Variants in H2AZ2 observed in about 807,000 individuals in gnomAD.
H2AZ2 encodes the protein H2A.Z variant histone 2.
In H2AZ2, 5 loss-of-function variants were observed where a neutral mutation model predicts 15.5. That is an observed-to-expected ratio of 0.32 (90% CI 0.17 to 0.68). The LOEUF is 0.68. Ranked by LOEUF, H2AZ2 falls within the 30% of genes least tolerant of loss-of-function variation. H2AZ2 has a pLI of 0.72. For missense variants in H2AZ2, 42 were observed against 162.5 expected (o/e 0.26, Z 4.03); for synonymous variants, 44 against 57.4 (o/e 0.77, Z 1.05).
downstream of H2AZ2, among the ~76,000 whole-genome samples, chr7:44,831,183 A>C (rs927115111): frequency 2.0e-4 from 30 of 152,272 alleles, no homozygotes; most frequent in Middle Eastern, 3.4e-3. Context: ...TAAAAATAAA[A>C]TAAAACATAA....
At chr7:44,836,074 C>T (rs1398079541) in intron 3 of H2AZ2, among the ~76,000 whole-genome samples, 1 of 151,440 alleles carries the variant, frequency 6.6e-6, no homozygotes, top group South Asian at 2.1e-4. Flanking sequence ...TATTCTCCTG[C>T]CCTAGCGTCC....
intron 3 of H2AZ2, among the ~76,000 whole-genome samples, chr7:44,836,432 C>T (rs1340011011): frequency 6.6e-6 from 1 of 152,122 alleles, no homozygotes; most frequent in Non-Finnish European, 1.5e-5. Flanking sequence ...AACCCTTGGC[C>T]TCAAGTGATC....
chr7:44,830,737 C>T (rs1360082618), downstream of H2AZ2, among the ~76,000 whole-genome samples: 1 of 152,212 alleles, frequency 6.6e-6, no homozygotes, highest in Non-Finnish European at 1.5e-5. Flanking sequence ...GTGGCTCATG[C>T]CTGTAATCCC....
At chr7:44,841,707 G>A (rs969307396) in intron 2 of H2AZ2, among the ~76,000 whole-genome samples, 1 of 152,028 alleles carries the variant, frequency 6.6e-6, no homozygotes, top group African/African-American at 2.4e-5. Flanking sequence ...GGTTTTGAGT[G>A]ATCTGTCCAC....
At chr7:44,837,139 T>A (rs552618400) in intron 3 of H2AZ2, among the ~76,000 whole-genome samples, 2 of 152,214 alleles carry the variant, frequency 1.3e-5, no homozygotes, top group South Asian at 4.1e-4. Context: ...CCTGACCTTG[T>A]GATCTGCCCG....
rs1182339517 is a variant in H2AZ2 at position 44,840,909 on chromosome 7, A to G, written c.185T>C (p.Leu62Pro). The change falls in exon 3 of 5, where the codon CTC becomes CCC. Residue 62 changes from leucine to proline, a missense_variant. Transcript: ENST00000308153. ...AVYSAAILEY[L>P]TAEVLELAGN... ...CATTCCTGTACAAACCTCTGCAGTG[A>G]GGTACTCCAGAATCGCAGCACTGTA... 6.2e-7 allele frequency: 1 copy of G among 1,610,462 alleles called. No individual in the cohort carries two copies. The highest frequency in any genetic ancestry group is 8.5e-7 in the Non-Finnish European group (1 of 1,176,822).
rs193038472 is a variant in H2AZ2 at position 44,838,449 on chromosome 7, G to A, written c.195+2450C>T. Among the ~76,000 whole-genome samples, 164 of 152,130 alleles carry A rather than the reference G, an allele frequency of 1.1e-3. 1 individual carries two copies. The highest frequency in any genetic ancestry group is 3.8e-3 in the African/African-American group (158 of 41,528). ...ACAGATCATTTGAGGTCAGGAGTTC[G>A]AGATCAGCCTGGCCAACATGGCAAA... On this transcript the variant is annotated intron_variant, in intron 3 of 4. Coordinates refer to ENST00000308153, the MANE Select transcript of H2AZ2 (RefSeq NM_012412.5).
In H2AZ2 at chr7:44,832,093, AG is replaced by A. The variant is rs1793009090; in HGVS notation, c.*2407del. On this transcript the variant is annotated 3_prime_UTR_variant, in exon 5 of 5. Transcript: ENST00000308153. Reference sequence around the variant, plus strand: ...GACAATTCTATAGGACAAACAACTTAGTTTCTTCAAAAATTAAAAACAGGAA... The same window carrying A: ...GACAATTCTATAGGACAAACAACTTATTTCTTCAAAAATTAAAAACAGGAA... Among the ~76,000 whole-genome samples, 1 of 152,222 alleles carries A rather than the reference AG, an allele frequency of 6.6e-6. No individual in the cohort carries two copies. Among genetic ancestry groups the A allele is most frequent in the Non-Finnish European group, 1.5e-5 (1 of 68,044 alleles).
intron 2 of H2AZ2, 73 bp from the exon 3 acceptor site, chr7:44,841,085 CA>C (rs138616116): frequency 0.35 from 377,494 of 1,064,950 alleles, 72,815 homozygotes; most frequent in Non-Finnish European, 0.39. Context: ...AAAGGCTGAA[CA>C]ATGTAAGCAT....
At chr7:44,841,151 A>G (rs1793266351) in intron 2 of H2AZ2, 139 bp from the exon 3 acceptor site, 2 of 617,170 alleles carry the variant, frequency 3.2e-6, no homozygotes, top group African/African-American at 1.8e-5. Context: ...TTACGCATCA[A>G]TAGTTCCCAG....
chr7:44,841,395 T>C (rs887169385), intron 2 of H2AZ2, among the ~76,000 whole-genome samples: 1 of 152,174 alleles, frequency 6.6e-6, no homozygotes, highest in Non-Finnish European at 1.5e-5. Context: ...TTTCAAGAGG[T>C]GATCTGATAG....
Position 44,847,201 on chromosome 7 carries a change from G to A in H2AZ2, c.3+768C>T, listed in dbSNP as rs989973286. Among the ~76,000 whole-genome samples the A allele has an allele frequency of 4.6e-5, 7 of 152,170 alleles. No homozygotes were observed. The South Asian group carries it at 1.4e-3, about 31-fold the overall frequency. ...CACAATCTTTGATGCAACTCAGAGC[G>A]TATCCTTTAGCACCTTCTCTTTTCC... On this transcript the variant is annotated intron_variant, in intron 1 of 4. Coordinates refer to ENST00000308153, the MANE Select transcript of H2AZ2 (RefSeq NM_012412.5).
intron 1 of H2AZ2, 148 bp from the exon 2 acceptor site, chr7:44,843,502 T>G (rs1793327083): frequency 6.7e-6 from 4 of 596,992 alleles, no homozygotes; most frequent in Non-Finnish European, 1.2e-5. Flanking sequence ...ATACATGGGA[T>G]TCTATCACCT....
intron 3 of H2AZ2, among the ~76,000 whole-genome samples, chr7:44,837,072 G>T (rs576385040): frequency 1.4e-4 from 21 of 151,862 alleles, no homozygotes; most frequent in African/African-American, 5.1e-4. Flanking sequence ...TATTGGCCAG[G>T]CTGGTCTCAA....
Position 44,832,973 on chromosome 7 carries a change from G to C in H2AZ2, c.*1528C>G, listed in dbSNP as rs1793027067. ...TCAAAACAAACAAAAAAGTTTCTTAGAAACTGATAAATAAATATAATTTTT... is the reference window on the plus strand; with the variant it reads ...TCAAAACAAACAAAAAAGTTTCTTACAAACTGATAAATAAATATAATTTTT... On this transcript the variant is annotated 3_prime_UTR_variant, in exon 5 of 5. Transcript: ENST00000308153. Among the ~76,000 whole-genome samples, 1 of 152,022 alleles carries C rather than the reference G, an allele frequency of 6.6e-6. No homozygotes were observed. The highest frequency in any genetic ancestry group is 2.1e-4 in the South Asian group (1 of 4,834).
At chr7:44,841,603 G>T (rs113817907) in intron 2 of H2AZ2, among the ~76,000 whole-genome samples, 2 of 152,102 alleles carry the variant, frequency 1.3e-5, no homozygotes, top group African/African-American at 4.8e-5. Flanking sequence ...TCCGCCTCCC[G>T]GGTTCAGGCG....
At chr7:44,836,781 G>C (rs554938837) in intron 3 of H2AZ2, among the ~76,000 whole-genome samples, 2 of 152,036 alleles carry the variant, frequency 1.3e-5, no homozygotes, top group Non-Finnish European at 2.9e-5. Context: ...TGGATCATGA[G>C]GTCAGGAGAT....
At chr7:44,827,211 CAG>C (rs1792936681), downstream of H2AZ2, 1 of 152,206 alleles carries the variant, frequency 6.6e-6, no homozygotes, top group Non-Finnish European at 1.5e-5. Flanking sequence ...GTCCTAATTA[CAG>C]AGTTTACAAA....
Position 44,834,476 on chromosome 7 carries a change from G to A in H2AZ2, c.*25C>T, listed in dbSNP as rs751325872. 6.2e-7 allele frequency: 1 copy of A among 1,604,014 alleles called. No homozygotes were observed. The highest frequency in any genetic ancestry group is 8.5e-7 in the Non-Finnish European group (1 of 1,175,422). On this transcript the variant is annotated 3_prime_UTR_variant, in exon 5 of 5. Transcript: ENST00000308153. ...CCAGTTACAGTACAATGACGGGGAG[G>A]AAGAGGGTTGGTTAAAGCATCCCTC...
Sources: gnomAD v4.1 joint callset for allele counts (sites outside exome capture counted in the v4.1 genomes callset) on GRCh38, gnomAD v4.1.1 for gene constraint, MANE v1.5 for transcripts, NCBI Gene and HGNC (gene_info 2026-07-23, HGNC 2026-07-21) for gene names.